SYT1: variants seen among roughly 807,000 people sequenced by gnomAD.
The protein encoded by SYT1 is synaptotagmin 1.
Under a neutral mutation model 44.8 loss-of-function variants are expected in SYT1, and 8 were observed. That is an observed-to-expected ratio of 0.18 (90% CI 0.10 to 0.32). The LOEUF is 0.32. SYT1 is among the 10% of genes least tolerant of loss of function. The probability of loss-of-function intolerance (pLI) is 1.00; values close to 1 mark genes in which losing one functional copy is unlikely to be tolerated. For synonymous variants in SYT1, 154 were observed against 188.8 expected (o/e 0.82, Z 1.51); for missense variants, 286 against 509.3 (o/e 0.56, Z 4.22).
At chr12:79,105,830 A>G (rs530422759) in intron 3 of SYT1, among the ~76,000 whole-genome samples, 3 of 152,080 alleles carry the variant, frequency 2.0e-5, no homozygotes, top group South Asian at 2.1e-4. Flanking sequence ...CAGTGAGCCT[A>G]GATTGCGCCA....
intron 9 of SYT1, among the ~76,000 whole-genome samples, chr12:79,367,051 T>G (rs1316735403): frequency 6.6e-6 from 1 of 152,036 alleles, no homozygotes; most frequent in Non-Finnish European, 1.5e-5. Flanking sequence ...CTCCTGTAAC[T>G]TGTGGCCACA....
intron 9 of SYT1, among the ~76,000 whole-genome samples, chr12:79,376,599 C>T (rs1484171318): frequency 2.0e-5 from 3 of 152,138 alleles, no homozygotes; most frequent in African/African-American, 7.2e-5. Context: ...ATGCCTTAGC[C>T]GTCTGGGAAT....
At chr12:79,130,327 C>T (rs1868727921) in intron 3 of SYT1, among the ~76,000 whole-genome samples, 1 of 152,190 alleles carries the variant, frequency 6.6e-6, no homozygotes. Context: ...CTGGAACACA[C>T]AGTTAATCGA....
At chr12:79,320,886 G>A (rs928867039) in intron 8 of SYT1, among the ~76,000 whole-genome samples, 2 of 151,916 alleles carry the variant, frequency 1.3e-5, no homozygotes, top group African/African-American at 4.8e-5. Context: ...CTCCCAAAGT[G>A]CTGGGATTAC....
At chr12:79,197,833 C>A (rs970492619) in intron 3 of SYT1, among the ~76,000 whole-genome samples, 2 of 151,910 alleles carry the variant, frequency 1.3e-5, no homozygotes, top group African/African-American at 4.8e-5. Flanking sequence ...AAATTTGATC[C>A]CTCAGAGAAA....
At chr12:78,882,247 A>G (rs1874499349) in intron 1 of SYT1, among the ~76,000 whole-genome samples, 1 of 151,730 alleles carries the variant, frequency 6.6e-6, no homozygotes, top group Admixed American at 6.6e-5. Flanking sequence ...CCTAATCTTT[A>G]AAGAAGTATG....
chr12:79,273,683 G>A (rs1043770666), intron 4 of SYT1, among the ~76,000 whole-genome samples: 2 of 152,136 alleles, frequency 1.3e-5, no homozygotes, highest in Non-Finnish European at 2.9e-5. Context: ...CACTTTGCAG[G>A]CACTCCTAGA....
chr12:79,250,752 G>T (rs1877160287), intron 4 of SYT1, among the ~76,000 whole-genome samples: 1 of 152,134 alleles, frequency 6.6e-6, no homozygotes, highest in African/African-American at 2.4e-5. Flanking sequence ...TTTGTTTGTT[G>T]GTTTGTTTAA....
chr12:78,979,398 G>A (rs897006098), intron 2 of SYT1, among the ~76,000 whole-genome samples: 2 of 151,984 alleles, frequency 1.3e-5, no homozygotes, highest in African/African-American at 4.8e-5. Flanking sequence ...TACATGTTCT[G>A]AGTTCCATGC....
At chr12:79,444,751 C>G (rs1314973285) in intron 10 of SYT1, among the ~76,000 whole-genome samples, 2 of 151,922 alleles carry the variant, frequency 1.3e-5, no homozygotes, top group African/African-American at 2.4e-5. Context: ...AAAAATGGAG[C>G]CTTAATATGC....
intron 1 of SYT1, among the ~76,000 whole-genome samples, chr12:78,949,057 C>G (rs1403280151): frequency 2.0e-5 from 3 of 150,996 alleles, no homozygotes; most frequent in Non-Finnish European, 4.4e-5. Flanking sequence ...TTTAGTCATA[C>G]TAAGTTCAGT....
Position 79,328,929 on chromosome 12 carries a change from C to T in SYT1, c.811-24573C>T, listed in dbSNP as rs140397598. 2.6e-5 allele frequency among the ~76,000 whole-genome samples: 4 copies of T among 152,002 alleles called. No homozygotes were observed. The East Asian group carries it at 7.7e-4, about 29-fold the overall frequency. ...AAAGAATTCCAAAGGAAAAAAAATG[C>T]CCTGAAGAATAGCAAGCATGGCCTT... On this transcript the variant is annotated intron_variant, in intron 8 of 10. Coordinates refer to ENST00000261205, the MANE Select transcript of SYT1 (RefSeq NM_005639.3).
At chr12:79,294,232 T>G (rs1879772664) in intron 6 of SYT1, among the ~76,000 whole-genome samples, 1 of 152,060 alleles carries the variant, frequency 6.6e-6, no homozygotes, top group South Asian at 2.1e-4. Flanking sequence ...CTGAGAATTT[T>G]TTTACTAAAA....
At chr12:78,948,151 T>C (rs1878769499) in intron 1 of SYT1, among the ~76,000 whole-genome samples, 1 of 151,736 alleles carries the variant, frequency 6.6e-6, no homozygotes, top group Non-Finnish European at 1.5e-5. Flanking sequence ...TTAAAGTCAA[T>C]ATTACTATAA....
intron 3 of SYT1, among the ~76,000 whole-genome samples, chr12:79,188,239 A>G (rs2138438480): frequency 6.6e-6 from 1 of 152,240 alleles, no homozygotes; most frequent in East Asian, 1.9e-4. Flanking sequence ...ATATATTTTT[A>G]GAATAGAGAC....
At chr12:78,980,006 C>A (rs535569483) in intron 2 of SYT1, among the ~76,000 whole-genome samples, 1 of 152,154 alleles carries the variant, frequency 6.6e-6, no homozygotes, top group African/African-American at 2.4e-5. Flanking sequence ...TCAGAAGATA[C>A]TTTATTAATA....
At chr12:79,181,909 C>T (rs539198280) in intron 3 of SYT1, among the ~76,000 whole-genome samples, 5 of 152,036 alleles carry the variant, frequency 3.3e-5, no homozygotes, top group African/African-American at 1.2e-4. Flanking sequence ...TAGACAACCC[C>T]ACCCCTACCT....
At chr12:79,054,440 A>G (rs891643368) in intron 3 of SYT1, among the ~76,000 whole-genome samples, 1 of 152,048 alleles carries the variant, frequency 6.6e-6, no homozygotes, top group African/African-American at 2.4e-5. Context: ...ATCAAAATGG[A>G]TTATAGCCAT....
intron 3 of SYT1, among the ~76,000 whole-genome samples, chr12:79,138,303 A>T (rs999153627): frequency 2.0e-5 from 3 of 152,184 alleles, no homozygotes; most frequent in African/African-American, 7.2e-5. Context: ...TATGATTTTT[A>T]AAAGATACCT....
Sources: gnomAD v4.1 joint callset for allele counts (sites outside exome capture counted in the v4.1 genomes callset) on GRCh38, gnomAD v4.1.1 for gene constraint, MANE v1.5 for transcripts, NCBI Gene and HGNC (gene_info 2026-07-23, HGNC 2026-07-21) for gene names.